GUCY1A2: variants seen among roughly 807,000 people sequenced by gnomAD.
GUCY1A2 encodes the protein guanylate cyclase 1 soluble subunit alpha 2.
GUCY1A2 carries 27 observed loss-of-function variants against 63.5 expected under a neutral mutation model. The ratio of observed to expected loss-of-function variants is 0.43; its 90% CI spans 0.31 to 0.59. The LOEUF is 0.59. Among genes scored for constraint, GUCY1A2 ranks in the 20% least tolerant of loss-of-function variants. The pLI is 0.11. For missense variants in GUCY1A2, 768 were observed against 913.3 expected (o/e 0.84, Z 2.05); for synonymous variants, 364 against 343.5 (o/e 1.06, Z -0.66).
intron 6 of GUCY1A2, among the ~76,000 whole-genome samples, chr11:106,731,514 T>A (rs560466988): frequency 2.0e-5 from 3 of 151,978 alleles, no homozygotes; most frequent in South Asian, 4.2e-4. Flanking sequence ...CTATTCAAGA[T>A]AGTACTAGAA....
chr11:106,972,043 C>T (rs1861202078), intron 3 of GUCY1A2, among the ~76,000 whole-genome samples: 1 of 152,072 alleles, frequency 6.6e-6, no homozygotes, highest in Non-Finnish European at 1.5e-5. Flanking sequence ...AAGATCTGAC[C>T]AGTACACTTG....
At chr11:106,988,122 T>C (rs1464967534) in intron 1 of GUCY1A2, among the ~76,000 whole-genome samples, 2 of 152,202 alleles carry the variant, frequency 1.3e-5, no homozygotes, top group Non-Finnish European at 2.9e-5. Context: ...AAATCATTCC[T>C]GAACGAAGAG....
Position 106,756,294 on chromosome 11 carries a change from T to C in GUCY1A2, c.1836+20145A>G, listed in dbSNP as rs182090218. 4.0e-3 allele frequency among the ~76,000 whole-genome samples: 610 copies of C among 152,350 alleles called. 8 individuals are homozygous for C. Among genetic ancestry groups the C allele is most frequent in the African/African-American group, 0.014 (586 of 41,580 alleles). ...ACAGCACACTGATGGGTCTTGACTC[T>C]TCATCCAATTTGCTAGTCTGTGTCT... On this transcript the variant is annotated intron_variant, in intron 6 of 7. Coordinates refer to ENST00000526355, the MANE Select transcript of GUCY1A2 (RefSeq NM_000855.3).
chr11:106,684,547 A>G lies in GUCY1A2; in HGVS notation c.*3002T>C, dbSNP rs896161163. The G allele has an allele frequency of 1.0e-5, 2 of 197,304 alleles. No homozygotes were observed. Among genetic ancestry groups the G allele is most frequent in the Non-Finnish European group, 2.1e-5 (2 of 95,264 alleles). 12.2% of individuals were successfully genotyped at this position (197,304 alleles called of 1,614,324 possible). ...GGATTCTGATTTTGTTAGATAACTG[A>G]TTTATTTGCAAATGATGACATTCTC... is the stretch of plus-strand genomic sequence containing the variant. On this transcript the variant is annotated 3_prime_UTR_variant, in exon 8 of 8. Coordinates refer to ENST00000526355, the MANE Select transcript of GUCY1A2 (RefSeq NM_000855.3).
intron 6 of GUCY1A2, 25 bp downstream of exon 6, chr11:106,776,414 C>CAAACTCTG (rs772312304): frequency 3.6e-5 from 58 of 1,599,280 alleles, no homozygotes; most frequent in Middle Eastern, 1.7e-4. Flanking sequence ...ACTTACTACT[C>CAAACTCTG]AAACTAGATT....
intron 3 of GUCY1A2, among the ~76,000 whole-genome samples, chr11:106,954,017 A>T (rs542685333): frequency 6.6e-6 from 1 of 151,716 alleles, no homozygotes; most frequent in East Asian, 1.9e-4. Context: ...ATCTCCTTCA[A>T]TTCTTCTCTG....
chr11:107,011,912 CACAT>C (rs1861751572), intron 1 of GUCY1A2, among the ~76,000 whole-genome samples: 3 of 151,996 alleles, frequency 2.0e-5, no homozygotes, highest in Non-Finnish European at 4.4e-5. Flanking sequence ...CCTTTGAACA[CACAT>C]ACAGATTAGT....
At chr11:106,710,841 C>T (rs1418133830) in intron 6 of GUCY1A2, among the ~76,000 whole-genome samples, 1 of 151,898 alleles carries the variant, frequency 6.6e-6, no homozygotes, top group Admixed American at 6.6e-5. Flanking sequence ...CCCCTAGATG[C>T]CTACCAAGTA....
At chr11:106,827,707 C>A in intron 4 of GUCY1A2, 1 of 1,543,680 alleles carries the variant, frequency 6.5e-7, no homozygotes, top group East Asian at 2.2e-5. Context: ...ACATCAAATT[C>A]TTCCAATATT....
intron 5 of GUCY1A2, 28 bp from the exon 6 acceptor site, chr11:106,776,610 A>AATCAT (rs1314725561): frequency 3.7e-6 from 6 of 1,602,684 alleles, no homozygotes; most frequent in Non-Finnish European, 5.1e-6. Context: ...ATCAAATGCA[A>AATCAT]ACGTATGATA....
At chr11:106,903,727 G>T (rs545689665) in intron 4 of GUCY1A2, among the ~76,000 whole-genome samples, 4 of 152,246 alleles carry the variant, frequency 2.6e-5, no homozygotes, top group Non-Finnish European at 4.4e-5. Flanking sequence ...AAGTGATAAA[G>T]ACATTTCTGT....
intron 4 of GUCY1A2, among the ~76,000 whole-genome samples, chr11:106,854,565 G>A (rs563093585): frequency 5.9e-5 from 9 of 152,162 alleles, no homozygotes; most frequent in Admixed American, 4.6e-4. Context: ...GTAGTACCAC[G>A]TAAGGCGGAC....
At chr11:107,013,169 CTCCT>C (rs1179334588) in intron 1 of GUCY1A2, among the ~76,000 whole-genome samples, 2 of 152,158 alleles carry the variant, frequency 1.3e-5, no homozygotes, top group African/African-American at 4.8e-5. Flanking sequence ...TAGCTCTCCT[CTCCT>C]TATTTGCCAC....
chr11:106,870,454 G>A (rs1357309368), intron 4 of GUCY1A2, among the ~76,000 whole-genome samples: 1 of 151,986 alleles, frequency 6.6e-6, no homozygotes, highest in Non-Finnish European at 1.5e-5. Context: ...TTCCTGTTAG[G>A]TTTGAACATA....
chr11:106,811,993 T>TA (rs1260927179), intron 4 of GUCY1A2, among the ~76,000 whole-genome samples: 2 of 151,952 alleles, frequency 1.3e-5, no homozygotes, highest in African/African-American at 4.8e-5. Flanking sequence ...TACTACAGGT[T>TA]ATGGTTTGAG....
In GUCY1A2 at chr11:106,797,804, A is replaced by T. The variant is rs149297006; in HGVS notation, c.1692+12189T>A. 1.5e-3 allele frequency among the ~76,000 whole-genome samples: 230 copies of T among 152,354 alleles called. 3 individuals are homozygous for T. The East Asian group carries it at 0.039, about 26-fold the overall frequency. ...GAAATTTATAGCACTAAATGCCCAC[A>T]AGAGAAAGCAGGAAAGATCTAAAAT... On this transcript the variant is annotated intron_variant, in intron 5 of 7. Transcript: ENST00000526355.
chr11:106,935,715 T>G (rs1230693886), intron 4 of GUCY1A2, among the ~76,000 whole-genome samples: 1 of 151,746 alleles, frequency 6.6e-6, no homozygotes, highest in Admixed American at 6.6e-5. Context: ...GGTGTGGTAG[T>G]GCACACCTGT....
At chr11:106,724,753 G>A (rs1466701743) in intron 6 of GUCY1A2, among the ~76,000 whole-genome samples, 1 of 152,124 alleles carries the variant, frequency 6.6e-6, no homozygotes, top group Non-Finnish European at 1.5e-5. Flanking sequence ...AGGATAACGA[G>A]ATAACCTGAC....
intron 6 of GUCY1A2, among the ~76,000 whole-genome samples, chr11:106,733,735 A>AG (rs1463266094): frequency 6.6e-6 from 1 of 152,006 alleles, no homozygotes; most frequent in African/African-American, 2.4e-5. Flanking sequence ...GGAAAGGAGG[A>AG]GGAGCTTGGA....
Sources: gnomAD v4.1 joint callset for allele counts (sites outside exome capture counted in the v4.1 genomes callset) on GRCh38, gnomAD v4.1.1 for gene constraint, MANE v1.5 for transcripts, NCBI Gene and HGNC (gene_info 2026-07-23, HGNC 2026-07-21) for gene names.